The following FAM110B variants were observed in gnomAD, a reference collection of about 807,000 sequenced individuals.
FAM110B encodes family with sequence similarity 110 member B, also known as protein FAM110B.
Under a neutral mutation model 20.4 loss-of-function variants are expected in FAM110B, and 6 were observed. That is an observed-to-expected ratio of 0.29 (90% CI 0.16 to 0.58). The LOEUF (loss-of-function observed/expected upper bound fraction) is 0.58. Among genes scored for constraint, FAM110B ranks in the 20% least tolerant of loss-of-function variants. The probability of loss-of-function intolerance (pLI) is 0.90; values close to 1 mark genes in which losing one functional copy is unlikely to be tolerated. For synonymous variants in FAM110B, 226 were observed against 214.1 expected (o/e 1.06, Z -0.49); for missense variants, 434 against 498.2 (o/e 0.87, Z 1.23).
intron 3 of FAM110B, among the ~76,000 whole-genome samples, chr8:58,139,763 C>T (rs1219951478): frequency 6.6e-6 from 1 of 152,012 alleles, no homozygotes; most frequent in Non-Finnish European, 1.5e-5. Context: ...CCCGTCTCTA[C>T]TAAAATTACA....
At chr8:58,089,975 G>A (rs1037924656) in intron 3 of FAM110B, among the ~76,000 whole-genome samples, 11 of 152,114 alleles carry the variant, frequency 7.2e-5, no homozygotes, top group African/African-American at 2.7e-4. Flanking sequence ...AATAACACAG[G>A]TTTGAACTGC....
intron 2 of FAM110B, among the ~76,000 whole-genome samples, chr8:58,036,797 C>G (rs1182994112): frequency 6.6e-6 from 1 of 152,140 alleles, no homozygotes; most frequent in Non-Finnish European, 1.5e-5. Flanking sequence ...GACTTGAGTA[C>G]CATTGAAGAG....
chr8:58,011,279 C>T (rs1424701976), intron 1 of FAM110B, among the ~76,000 whole-genome samples: 1 of 152,146 alleles, frequency 6.6e-6, no homozygotes, highest in Non-Finnish European at 1.5e-5. Flanking sequence ...GCTCTAAGCT[C>T]CCTAACAGTA....
chr8:58,096,884 G>C (rs943833713), intron 3 of FAM110B, among the ~76,000 whole-genome samples: 2 of 152,256 alleles, frequency 1.3e-5, no homozygotes, highest in Non-Finnish European at 2.9e-5. Context: ...GTCTCTTCTG[G>C]CTTGTAGGGT....
chr8:58,013,420 G>A (rs1213986177), intron 1 of FAM110B, among the ~76,000 whole-genome samples: 1 of 152,154 alleles, frequency 6.6e-6, no homozygotes, highest in East Asian at 1.9e-4. Flanking sequence ...CACTTTTTGG[G>A]GCTCAGTAAA....
chr8:58,078,812 TGTGCTGGGATTACAG>T (rs1316110956), intron 3 of FAM110B, among the ~76,000 whole-genome samples: 2 of 151,842 alleles, frequency 1.3e-5, no homozygotes, highest in Non-Finnish European at 2.9e-5. Context: ...AGCCTCCCAA[TGTGCTGGGATTACAG>T]GTGTGAGCCA....
intron 2 of FAM110B, among the ~76,000 whole-genome samples, chr8:58,041,002 C>G (rs189110171): frequency 7.6e-6 from 1 of 131,884 alleles, no homozygotes. Flanking sequence ...AGTGCAGTGG[C>G]GCGATCTTGG....
intron 3 of FAM110B, among the ~76,000 whole-genome samples, chr8:58,082,922 T>C (rs1412867377): frequency 6.7e-6 from 1 of 149,696 alleles, no homozygotes. Flanking sequence ...GGCGAAAGGA[T>C]CACTTGAGCC....
At chr8:58,079,145 A>G (rs1257753862) in intron 3 of FAM110B, among the ~76,000 whole-genome samples, 1 of 152,148 alleles carries the variant, frequency 6.6e-6, no homozygotes, top group African/African-American at 2.4e-5. Flanking sequence ...TTCCAGCAGT[A>G]CAGTCAGGTG....
intron 3 of FAM110B, among the ~76,000 whole-genome samples, chr8:58,101,380 G>T (rs1806776166): frequency 6.6e-6 from 1 of 152,176 alleles, no homozygotes; most frequent in Non-Finnish European, 1.5e-5. Context: ...GATCATTCAT[G>T]TACTTGCAGG....
At chr8:58,066,589 G>C (rs759983008) in intron 2 of FAM110B, among the ~76,000 whole-genome samples, 1 of 152,216 alleles carries the variant, frequency 6.6e-6, no homozygotes, top group African/African-American at 2.4e-5. Context: ...AACAGAAAAG[G>C]AAGGGGCACA....
chr8:58,102,499 A>C (rs186323161), intron 3 of FAM110B, among the ~76,000 whole-genome samples: 6 of 152,326 alleles, frequency 3.9e-5, no homozygotes, highest in Admixed American at 6.5e-5. Flanking sequence ...AAAGGTAGTG[A>C]ACTAGCGTAG....
At chr8:58,011,074 G>A (rs562830731) in intron 1 of FAM110B, among the ~76,000 whole-genome samples, 1 of 152,292 alleles carries the variant, frequency 6.6e-6, no homozygotes, top group African/African-American at 2.4e-5. Context: ...TTTTGGTCAG[G>A]TGTTTTGAAC....
At chr8:58,144,023 G>A (rs1348421958) in intron 3 of FAM110B, among the ~76,000 whole-genome samples, 2 of 152,192 alleles carry the variant, frequency 1.3e-5, no homozygotes, top group Non-Finnish European at 2.9e-5. Context: ...TTTACAGTAC[G>A]AAGGGATTGA....
intron 3 of FAM110B, among the ~76,000 whole-genome samples, chr8:58,076,474 G>A (rs61157353): frequency 0.028 from 4,277 of 152,236 alleles, 215 homozygotes; most frequent in African/African-American, 0.097. Flanking sequence ...GAATGGCAGG[G>A]TGCTTTTCCC....
At chr8:58,082,260 A>G (rs1806215772) in intron 3 of FAM110B, among the ~76,000 whole-genome samples, 1 of 152,220 alleles carries the variant, frequency 6.6e-6, no homozygotes, top group Non-Finnish European at 1.5e-5. Flanking sequence ...TCAGTTCTTA[A>G]CTGCCTATAG....
intron 2 of FAM110B, among the ~76,000 whole-genome samples, chr8:58,052,494 G>T (rs142466256): frequency 6.6e-6 from 1 of 151,998 alleles, no homozygotes; most frequent in African/African-American, 2.4e-5. Flanking sequence ...GCACTGTTCC[G>T]CAGACTGGGG....
At chr8:58,112,511 A>G (rs1276036022) in intron 3 of FAM110B, among the ~76,000 whole-genome samples, 2 of 152,220 alleles carry the variant, frequency 1.3e-5, no homozygotes, top group Non-Finnish European at 2.9e-5. Context: ...AACATTAGTA[A>G]CAACCCCCAC....
chr8:58,125,999 A>T (rs1197929004), intron 3 of FAM110B, among the ~76,000 whole-genome samples: 3 of 152,212 alleles, frequency 2.0e-5, no homozygotes, highest in African/African-American at 7.2e-5. Context: ...ACTTGCATAG[A>T]TTTGTGTAAC....
Sources: allele counts gnomAD v4.1 joint callset (sites outside exome capture counted in the v4.1 genomes callset), GRCh38; gene constraint gnomAD v4.1.1; transcripts MANE v1.5; gene names NCBI Gene and HGNC (gene_info 2026-07-23, HGNC 2026-07-21).